VCAN: variants seen among roughly 807,000 people sequenced by gnomAD.
VCAN encodes versican core protein.
VCAN carries 44 observed loss-of-function variants against 245.5 expected under a neutral mutation model. The observed-to-expected ratio is 0.18, with a 90% CI of 0.14 to 0.23. The LOEUF (loss-of-function observed/expected upper bound fraction) is 0.23, where lower values mean the gene tolerates loss of function less well. VCAN is among the 10% of genes least tolerant of loss of function. The pLI, the probability that VCAN is intolerant of heterozygous loss-of-function variation, is 1.00. For missense variants in VCAN, 3,793 were observed against 4,057.9 expected, an observed-to-expected ratio of 0.93 and a Z score of 1.77; for synonymous variants, 1,413 against 1,437.0, an observed-to-expected ratio of 0.98 and a Z score of 0.38.
At chr5:83,522,386 TC>T (rs1746142932) in intron 7 of VCAN, 77 bp downstream of exon 7, 1 of 1,478,354 alleles carries the variant, frequency 6.8e-7, no homozygotes. Context: ...GGAAAAAAAG[TC>T]AACATACCAA....
At chr5:83,568,833 C>T (rs1367591701) in intron 12 of VCAN, among the ~76,000 whole-genome samples, 2 of 152,076 alleles carry the variant, frequency 1.3e-5, no homozygotes, top group African/African-American at 2.4e-5. Context: ...AGTCTCATAT[C>T]ACTCAGACAT....
chr5:83,531,762 C>G (rs1298752595), intron 7 of VCAN, among the ~76,000 whole-genome samples: 1 of 152,066 alleles, frequency 6.6e-6, no homozygotes, highest in East Asian at 1.9e-4. Flanking sequence ...AAGACTTGTG[C>G]TCTGTCTACA....
At chr5:83,503,396 C>T (rs1252325826) in intron 5 of VCAN, among the ~76,000 whole-genome samples, 3 of 152,190 alleles carry the variant, frequency 2.0e-5, no homozygotes, top group Non-Finnish European at 4.4e-5. Context: ...CTACTTCCAG[C>T]TTACTCATCC....
rs151264070 is a variant in VCAN at position 83,521,270 on chromosome 5, T to G, written c.2964T>G (p.Pro988=). ...AGACAGACTGGGGAGTGTTAGTACC[T>G]TCTGTTCCATCAGAAGATGAAGTTC... ...IPKTDWGVLV[P]SVPSEDEVLG... is the part of the protein sequence containing the mutation. The change falls in exon 7 of 15, where the codon CCT becomes CCG. Residue 988 remains proline, a synonymous_variant. Coordinates refer to ENST00000265077, the MANE Select transcript of VCAN (RefSeq NM_004385.5). The G allele has an allele frequency of 6.2e-7, 1 of 1,614,124 alleles. No individual in the cohort carries two copies. The highest frequency in any genetic ancestry group is 8.5e-7 in the Non-Finnish European group (1 of 1,179,954).
intron 1 of VCAN, among the ~76,000 whole-genome samples, chr5:83,473,909 G>T (rs1744290544): frequency 6.6e-6 from 1 of 152,212 alleles, no homozygotes; most frequent in Non-Finnish European, 1.5e-5. Context: ...GTCTTGGTCT[G>T]TGCAAAGTGC....
intron 1 of VCAN, among the ~76,000 whole-genome samples, chr5:83,473,282 G>A (rs1744261037): frequency 6.6e-6 from 1 of 152,326 alleles, no homozygotes; most frequent in East Asian, 1.9e-4. Flanking sequence ...GGAGAGCGGG[G>A]TAGAAAAATA....
At chr5:83,564,024 C>T (rs1747979573) in intron 12 of VCAN, among the ~76,000 whole-genome samples, 1 of 152,060 alleles carries the variant, frequency 6.6e-6, no homozygotes, top group African/African-American at 2.4e-5. Flanking sequence ...ACATTTTAGA[C>T]AGAAAGAAAA....
Position 83,579,971 on chromosome 5 carries a change from T to C in VCAN, c.9881-9T>C. 1 of 1,614,050 alleles carries C rather than the reference T, an allele frequency of 6.2e-7. No individual in the cohort carries two copies. Reference sequence around the variant, plus strand: ...TTATTTGGAAATAACCCAATTTGCTTTCCTTTAGTCGCTTGCGGCCAGCCC... The same window carrying C: ...TTATTTGGAAATAACCCAATTTGCTCTCCTTTAGTCGCTTGCGGCCAGCCC... On this transcript the variant is annotated splice_polypyrimidine_tract_variant and intron_variant, in intron 13 of 14. Coordinates refer to ENST00000265077, the MANE Select transcript of VCAN (RefSeq NM_004385.5).
At chr5:83,558,073 G>T (rs1307745092) in intron 12 of VCAN, among the ~76,000 whole-genome samples, 1 of 152,020 alleles carries the variant, frequency 6.6e-6, no homozygotes, top group African/African-American at 2.4e-5. Context: ...GGTCTCCCTC[G>T]CATTCAACTG....
intron 5 of VCAN, among the ~76,000 whole-genome samples, chr5:83,504,858 G>C (rs1186968975): frequency 1.3e-5 from 2 of 152,264 alleles, no homozygotes; most frequent in African/African-American, 2.4e-5. Context: ...TGGACTTACA[G>C]TTCCACGTGG....
In VCAN at chr5:83,520,932, C is replaced by T; in HGVS notation, c.2626C>T (p.His876Tyr). 1.2e-6 allele frequency: 2 copies of T among 1,614,066 alleles called. No homozygotes were observed. Among genetic ancestry groups the T allele is most frequent in the Middle Eastern group, 1.6e-4 (1 of 6,062 alleles). ...GGTTACTGATGAAGACATAGCAGCCCATGGAAAATTCACAATTAGATTTCA... is the reference window on the plus strand; with the variant it reads ...GGTTACTGATGAAGACATAGCAGCCTATGGAAAATTCACAATTAGATTTCA... ...EEVTDEDIAA[H>Y]GKFTIRFQPT... Residue 876 changes from histidine to tyrosine, a missense_variant, in exon 7 of 15, where the codon CAT becomes TAT. His to Tyr is a moderately conservative substitution (Grantham distance 83). Coordinates refer to ENST00000265077, the MANE Select transcript of VCAN (RefSeq NM_004385.5).
At position 83,538,507 on chromosome 5, in the gene VCAN, A is replaced by G. The variant is rs1382670916; in HGVS notation, c.5504A>G (p.Gln1835Arg). ...PRSPASVFME[Q>R]GSGEAAADPE... ...AGTCCTGCCTCTGTCTTTATGGAGCAGGGCTCTGGAGAAGCTGCTGCCGAC... is the reference window on the plus strand; with the variant it reads ...AGTCCTGCCTCTGTCTTTATGGAGCGGGGCTCTGGAGAAGCTGCTGCCGAC... The change falls in exon 8 of 15, where the codon CAG becomes CGG. Residue 1835 changes from glutamine to arginine, a missense_variant. By Grantham distance (43) the Gln-to-Arg change is conservative. Around this residue, in one of 5 missense-constraint regions of VCAN, gnomAD observed 3,182 missense variants for 3,250.3 expected, o/e 0.98. Coordinates refer to ENST00000265077, the MANE Select transcript of VCAN (RefSeq NM_004385.5). 1.2e-6 allele frequency: 2 copies of G among 1,613,958 alleles called. No homozygotes were observed. Among genetic ancestry groups the G allele is most frequent in the African/African-American group, 1.3e-5 (1 of 74,918 alleles).
At chr5:83,576,761 A>G (rs558644427) in intron 13 of VCAN, among the ~76,000 whole-genome samples, 19 of 152,244 alleles carry the variant, frequency 1.2e-4, no homozygotes, top group African/African-American at 3.6e-4. Context: ...ATTTTTGCCA[A>G]TCTGGTGGGT....
chr5:83,517,042 C>G (rs934534688), intron 6 of VCAN, among the ~76,000 whole-genome samples: 2 of 151,890 alleles, frequency 1.3e-5, no homozygotes, highest in Non-Finnish European at 2.9e-5. Flanking sequence ...TATTGAAAAC[C>G]CTTGTTTTTG....
intron 7 of VCAN, among the ~76,000 whole-genome samples, chr5:83,535,162 G>A (rs545933579): frequency 1.3e-5 from 2 of 152,050 alleles, no homozygotes; most frequent in East Asian, 3.9e-4. Context: ...TATTTATCTC[G>A]CTTCTCTTTG....
chr5:83,548,040 G>C lies in VCAN; in HGVS notation c.9449G>C (p.Arg3150Thr), dbSNP rs761755274. 1.2e-6 allele frequency: 2 copies of C among 1,613,926 alleles called. No homozygotes were observed. The highest frequency in any genetic ancestry group is 1.3e-5 in the African/African-American group (1 of 74,920). Residue 3150 changes from arginine to threonine, a missense_variant, in exon 10 of 15, where the codon AGG (arginine) becomes ACG (threonine). Arg to Thr is a moderately conservative substitution (Grantham distance 71). Coordinates refer to ENST00000265077, the MANE Select transcript of VCAN (RefSeq NM_004385.5). ...TGTGTTGATGGTTTTAACACATTCAGGTGCCTCTGCCTTCCAAGTTATGTT... is the reference window on the plus strand; with the variant it reads ...TGTGTTGATGGTTTTAACACATTCACGTGCCTCTGCCTTCCAAGTTATGTT... The part of the protein sequence containing the change: ...ATCVDGFNTF[R>T]CLCLPSYVGA...
intron 2 of VCAN, 99 bp from the exon 3 acceptor site, chr5:83,489,999 A>G (rs1047697990): frequency 6.9e-6 from 9 of 1,309,050 alleles, no homozygotes; most frequent in Non-Finnish European, 9.7e-6. Context: ...TTGAAGATGT[A>G]ACCAAACTAT....
intron 8 of VCAN, among the ~76,000 whole-genome samples, chr5:83,542,578 A>G (rs1747046405): frequency 6.6e-6 from 1 of 152,206 alleles, no homozygotes; most frequent in Non-Finnish European, 1.5e-5. Context: ...TCACAACTAG[A>G]GTATTGCTTT....
At chr5:83,474,607 G>A (rs1168209899) in intron 1 of VCAN, among the ~76,000 whole-genome samples, 1 of 152,176 alleles carries the variant, frequency 6.6e-6, no homozygotes, top group Non-Finnish European at 1.5e-5. Context: ...TGGCGCTTCG[G>A]CTCCCAGCCG....
Sources: gnomAD v4.1 joint callset for allele counts (sites outside exome capture counted in the v4.1 genomes callset) on GRCh38, gnomAD v4.1.1 for gene constraint, gnomAD v4.1.1 regional missense constraint, MANE v1.5 for transcripts, NCBI Gene and HGNC (gene_info 2026-07-23, HGNC 2026-07-21) for gene names.